ITPKB: variants seen among roughly 807,000 people sequenced by gnomAD.
ITPKB encodes the protein inositol-trisphosphate 3-kinase B.
In ITPKB, 13 loss-of-function variants were observed where a neutral mutation model predicts 69.4. That is an observed-to-expected ratio of 0.19 (90% CI 0.12 to 0.30). ITPKB has a LOEUF of 0.30. Among genes scored for constraint, ITPKB ranks in the 10% least tolerant of loss-of-function variants. The pLI, the probability that ITPKB is intolerant of heterozygous loss-of-function variation, is 1.00. For synonymous variants in ITPKB, 584 were observed against 513.7 expected (o/e 1.14, Z -1.85); for missense variants, 1,240 against 1,250.5 (o/e 0.99, Z 0.13).
chr1:226,667,339 C>T (rs938079530), intron 2 of ITPKB, among the ~76,000 whole-genome samples: 2 of 152,164 alleles, frequency 1.3e-5, no homozygotes, highest in South Asian at 2.1e-4. Flanking sequence ...GTGGGAACCC[C>T]GCCAAGACCC....
intron 2 of ITPKB, among the ~76,000 whole-genome samples, chr1:226,730,892 G>T (rs1657570510): frequency 6.6e-6 from 1 of 152,168 alleles, no homozygotes. Context: ...CAAAAATTCT[G>T]AAAATGACTT....
At chr1:226,658,159 A>G (rs1415476674) in intron 2 of ITPKB, among the ~76,000 whole-genome samples, 2 of 152,092 alleles carry the variant, frequency 1.3e-5, no homozygotes, top group Non-Finnish European at 2.9e-5. Context: ...TTCCTTCTTC[A>G]TTTGGTCTTT....
chr1:226,735,283 T>G (rs1657709846), intron 2 of ITPKB, among the ~76,000 whole-genome samples: 1 of 152,230 alleles, frequency 6.6e-6, no homozygotes, highest in Admixed American at 6.5e-5. Context: ...AAAACTTGTT[T>G]TTTAAGATAT....
At chr1:226,702,934 A>T (rs1226757953) in intron 2 of ITPKB, among the ~76,000 whole-genome samples, 1 of 152,224 alleles carries the variant, frequency 6.6e-6, no homozygotes, top group Non-Finnish European at 1.5e-5. Context: ...TCCAATAGAT[A>T]ATCCACACTG....
In ITPKB at chr1:226,637,699, G is replaced by T. The variant is rs746210669; in HGVS notation, c.2605C>A (p.Pro869Thr). The T allele has an allele frequency of 1.9e-6, 3 of 1,613,864 alleles. No homozygotes were observed. Among genetic ancestry groups the T allele is most frequent in the Non-Finnish European group, 2.5e-6 (3 of 1,179,722 alleles). ...KAIRTTLEVSPFFKCHEVIGS... is the reference protein window; with the variant it reads ...KAIRTTLEVSTFFKCHEVIGS... Reference sequence around the variant, plus strand: ...TCTACCTCGTGGCACTTGAAGAAGGGAGAAACTTCTAGAGTGGTTCGAATG... The same window carrying T: ...TCTACCTCGTGGCACTTGAAGAAGGTAGAAACTTCTAGAGTGGTTCGAATG... Residue 869 changes from proline (P) to threonine (T), a missense_variant, in exon 7 of 8, where the codon CCC becomes ACC. Transcript: ENST00000429204. The surrounding 1 kb of genome is among the most constrained non-coding windows in gnomAD (Gnocchi z 4.3).
chr1:226,655,924 C>G (rs1289316475), intron 2 of ITPKB, among the ~76,000 whole-genome samples: 1 of 152,238 alleles, frequency 6.6e-6, no homozygotes, highest in Non-Finnish European at 1.5e-5. Context: ...ATGGCACCAT[C>G]TGCAGCGCAC....
chr1:226,645,329 A>G (rs924471299), intron 4 of ITPKB, among the ~76,000 whole-genome samples: 1 of 152,004 alleles, frequency 6.6e-6, no homozygotes, highest in Admixed American at 6.5e-5. Flanking sequence ...TTACATGGGT[A>G]CCAGCCACGG....
chr1:226,657,469 A>G (rs556546013), intron 2 of ITPKB, among the ~76,000 whole-genome samples: 1 of 152,290 alleles, frequency 6.6e-6, no homozygotes, highest in South Asian at 2.1e-4. Context: ...ATAATCGTAA[A>G]GAAAGAGTCT....
At chr1:226,693,788 G>C (rs557251965) in intron 2 of ITPKB, among the ~76,000 whole-genome samples, 1 of 152,280 alleles carries the variant, frequency 6.6e-6, no homozygotes, top group East Asian at 1.9e-4. Context: ...AAGGTGATTT[G>C]TACCTTATTC....
chr1:226,705,625 G>C (rs1043565026), intron 2 of ITPKB, among the ~76,000 whole-genome samples: 1 of 152,018 alleles, frequency 6.6e-6, no homozygotes, highest in Non-Finnish European at 1.5e-5. Context: ...TGTGCCTATG[G>C]GCACATACGG....
chr1:226,657,839 T>C (rs909241469), intron 2 of ITPKB, among the ~76,000 whole-genome samples: 2 of 152,218 alleles, frequency 1.3e-5, no homozygotes, highest in Non-Finnish European at 2.9e-5. Context: ...CTCTCGGACC[T>C]GGGGCTATCT....
chr1:226,711,792 C>T (rs1308264176), intron 2 of ITPKB, among the ~76,000 whole-genome samples: 7 of 152,082 alleles, frequency 4.6e-5, no homozygotes, highest in Admixed American at 6.6e-5. Context: ...CCCTCACCAC[C>T]GTGTCCATCC....
At chr1:226,663,619 C>T (rs549654253) in intron 2 of ITPKB, among the ~76,000 whole-genome samples, 1 of 152,164 alleles carries the variant, frequency 6.6e-6, no homozygotes, top group South Asian at 2.1e-4. Context: ...TCAAGCAACC[C>T]AGCAATCCTC....
intron 2 of ITPKB, among the ~76,000 whole-genome samples, chr1:226,658,373 C>A (rs940658): frequency 8.5e-5 from 13 of 152,260 alleles, no homozygotes; most frequent in Admixed American, 8.5e-4. Context: ...CTCCTGTAGC[C>A]CTGGTTAGAA....
At chr1:226,700,890 C>G (rs1168459864) in intron 2 of ITPKB, among the ~76,000 whole-genome samples, 1 of 152,216 alleles carries the variant, frequency 6.6e-6, no homozygotes, top group Non-Finnish European at 1.5e-5. Flanking sequence ...CTTGTCAAGG[C>G]CTGTGTCTTT....
intron 2 of ITPKB, among the ~76,000 whole-genome samples, chr1:226,722,057 C>A (rs906729193): frequency 6.6e-6 from 1 of 152,150 alleles, no homozygotes; most frequent in African/African-American, 2.4e-5. Context: ...AGGTAATCCA[C>A]CCACCTCAGC....
At chr1:226,653,981 G>A (rs1669240750) in intron 2 of ITPKB, among the ~76,000 whole-genome samples, 1 of 152,218 alleles carries the variant, frequency 6.6e-6, no homozygotes, top group Admixed American at 6.5e-5. Context: ...CTCTGTAAGA[G>A]AGTCTCGTGC....
chr1:226,694,232 A>T (rs1656424758), intron 2 of ITPKB, among the ~76,000 whole-genome samples: 1 of 152,244 alleles, frequency 6.6e-6, no homozygotes, highest in African/African-American at 2.4e-5. Flanking sequence ...TTCAGATTTC[A>T]CCAAGGTGCA....
chr1:226,710,432 C>T (rs1022482713), intron 2 of ITPKB, among the ~76,000 whole-genome samples: 1 of 151,786 alleles, frequency 6.6e-6, no homozygotes, highest in African/African-American at 2.4e-5. Flanking sequence ...TAAAATAAAC[C>T]GTTTCCTTCC....
Sources: allele counts gnomAD v4.1 joint callset (sites outside exome capture counted in the v4.1 genomes callset), GRCh38; gene constraint gnomAD v4.1.1; non-coding constraint Gnocchi (gnomAD v3.1); transcripts MANE v1.5; gene names NCBI Gene and HGNC (gene_info 2026-07-23, HGNC 2026-07-21).